The following DLGAP1 variants were observed in gnomAD, a reference collection of about 807,000 sequenced individuals.
DLGAP1 encodes the protein disks large-associated protein 1.
A neutral mutation model predicts 90.8 loss-of-function variants in DLGAP1; 11 were observed. The observed-to-expected ratio is 0.12, with a 90% confidence interval of 0.08 to 0.20. The LOEUF is 0.20. Among genes scored for constraint, DLGAP1 ranks in the 10% least tolerant of loss-of-function variants. The probability of loss-of-function intolerance (pLI) is 1.00; values close to 1 mark genes in which losing one functional copy is unlikely to be tolerated. For synonymous variants in DLGAP1, 558 were observed against 540.7 expected, an observed-to-expected ratio of 1.03 and a Z score of -0.44; for missense variants, 1,050 against 1,333.8, an observed-to-expected ratio of 0.79 and a Z score of 3.31.
intron 1 of DLGAP1, among the ~76,000 whole-genome samples, chr18:4,337,131 A>T (rs2081086529): frequency 7.6e-6 from 1 of 130,910 alleles, no homozygotes. Context: ...AGAAAAAAGA[A>T]AAAAAAAAAA....
At chr18:4,324,772 A>G (rs973674256) in intron 1 of DLGAP1, among the ~76,000 whole-genome samples, 1 of 41,672 alleles carries the variant, frequency 2.4e-5, no homozygotes, top group Non-Finnish European at 4.3e-5. Context: ...AAACCACATG[A>G]TTACCTTAAT....
chr18:3,569,431 C>G (rs2054637588), intron 8 of DLGAP1, among the ~76,000 whole-genome samples: 2 of 151,956 alleles, frequency 1.3e-5, no homozygotes, highest in Admixed American at 1.3e-4. Context: ...TGAACCTAAA[C>G]TCTTTCTCTG....
At chr18:4,131,873 A>G (rs1209598119) in intron 2 of DLGAP1, among the ~76,000 whole-genome samples, 1 of 152,232 alleles carries the variant, frequency 6.6e-6, no homozygotes, top group Non-Finnish European at 1.5e-5. Flanking sequence ...AAAATGTTGT[A>G]TGAATGCTTC....
chr18:3,809,080 A>G (rs752506252), intron 5 of DLGAP1, among the ~76,000 whole-genome samples: 3 of 152,202 alleles, frequency 2.0e-5, no homozygotes, highest in Non-Finnish European at 2.9e-5. Context: ...TAGACTAAGG[A>G]TAGCACCTGT....
chr18:4,131,859 T>A (rs1439531180), intron 2 of DLGAP1, among the ~76,000 whole-genome samples: 1 of 152,232 alleles, frequency 6.6e-6, no homozygotes, highest in African/African-American at 2.4e-5. Flanking sequence ...AAGATCTTAT[T>A]TTTAAAATGT....
chr18:3,861,416 G>A (rs1267635633), intron 4 of DLGAP1, among the ~76,000 whole-genome samples: 5 of 152,138 alleles, frequency 3.3e-5, no homozygotes, highest in Non-Finnish European at 7.3e-5. Flanking sequence ...AAACTTGTTA[G>A]TGACCCCTTA....
intron 4 of DLGAP1, among the ~76,000 whole-genome samples, chr18:3,858,998 G>A (rs2069855074): frequency 6.6e-6 from 1 of 152,192 alleles, no homozygotes; most frequent in East Asian, 1.9e-4. Context: ...TTTTAAGTGA[G>A]ATGTTAGAGC....
At chr18:4,119,608 A>G (rs77567038) in intron 2 of DLGAP1, among the ~76,000 whole-genome samples, 11,472 of 152,206 alleles carry the variant, frequency 0.075, 1,347 homozygotes, top group African/African-American at 0.25. Context: ...GAAGGCACAC[A>G]GGTTGTTCTG....
At chr18:4,171,062 C>T (rs1302740232) in intron 1 of DLGAP1, among the ~76,000 whole-genome samples, 2 of 149,622 alleles carry the variant, frequency 1.3e-5, no homozygotes, top group Non-Finnish European at 2.9e-5. Flanking sequence ...ATTTTTAAAT[C>T]CTCCAGTAAT....
At chr18:4,254,954 C>G (rs1231738326) in intron 1 of DLGAP1, among the ~76,000 whole-genome samples, 6 of 152,148 alleles carry the variant, frequency 3.9e-5, no homozygotes, top group African/African-American at 1.4e-4. Context: ...GGAACGTAAT[C>G]TAGGAAGACA....
At chr18:3,960,907 T>TGCAG (rs1374358694) in intron 3 of DLGAP1, among the ~76,000 whole-genome samples, 1 of 152,238 alleles carries the variant, frequency 6.6e-6, no homozygotes, top group Non-Finnish European at 1.5e-5. Flanking sequence ...TAGTGAATCC[T>TGCAG]GGTACATGGG....
rs1457465288 is a variant in DLGAP1 at position 3,580,140 on chromosome 18, CTAA to C, written c.1965+1732_1965+1734del. 19 of 1,150,224 alleles carry C rather than the reference CTAA, an allele frequency of 1.7e-5. No homozygotes were observed. In the Admixed American group the frequency reaches 2.0e-4, roughly 12 times the overall value. 71.3% of individuals were successfully genotyped at this position (1,150,224 alleles called of 1,614,324 possible). A position where few individuals can be genotyped will look rare whatever the true frequency, so the allele number is the denominator to read the frequency against. On this transcript the variant is annotated intron_variant, in intron 8 of 12. Transcript: ENST00000315677. ...ATTTAGAGAACAAAAATAATAGCTGCTAATAATGTCTACAAAGAAAATACTTTC... is the reference window on the plus strand; with the variant it reads ...ATTTAGAGAACAAAAATAATAGCTGCTAATGTCTACAAAGAAAATACTTTC...
rs2055563546 is a variant in DLGAP1 at position 3,582,228 on chromosome 18, A to G, written c.1612T>C (p.Tyr538His). The stretch of plus-strand genomic sequence containing the variant: ...GGGACTGGAGGTGGTGTCTTCTTAT[A>G]TGTTGTAATGCAAGATGACACTGGA... ...SSTVSSCITTYKKTPPPVPPR... is the reference protein window; with the variant it reads ...SSTVSSCITTHKKTPPPVPPR... The change falls in exon 8 of 13, where the codon TAT becomes CAT. Residue 538 changes from tyrosine to histidine, a missense_variant. Coordinates refer to ENST00000315677, the MANE Select transcript of DLGAP1 (RefSeq NM_004746.4). 1 of 1,613,544 alleles carries G rather than the reference A, an allele frequency of 6.2e-7. No individual in the cohort carries two copies. Among genetic ancestry groups the G allele is most frequent in the Non-Finnish European group, 8.5e-7 (1 of 1,179,722 alleles).
At chr18:3,681,032 A>T (rs943353031) in intron 7 of DLGAP1, among the ~76,000 whole-genome samples, 1 of 152,156 alleles carries the variant, frequency 6.6e-6, no homozygotes, top group Admixed American at 6.5e-5. Context: ...GATATGAAAA[A>T]GGGTGAGATA....
At chr18:4,015,351 T>C (rs1460414693) in intron 2 of DLGAP1, among the ~76,000 whole-genome samples, 20 of 152,110 alleles carry the variant, frequency 1.3e-4, no homozygotes, top group Non-Finnish European at 4.4e-5. Flanking sequence ...CCTAGTTTTG[T>C]CCAAGCAGAA....
intron 9 of DLGAP1, among the ~76,000 whole-genome samples, chr18:3,543,980 C>A (rs1270065699): frequency 8.4e-6 from 1 of 119,652 alleles, no homozygotes; most frequent in African/African-American, 5.4e-5. Context: ...CTTTATTCCT[C>A]TTTAGAAAAC....
chr18:4,038,177 T>G (rs1012433391), intron 2 of DLGAP1, among the ~76,000 whole-genome samples: 1 of 152,218 alleles, frequency 6.6e-6, no homozygotes, highest in African/African-American at 2.4e-5. Context: ...CAGTCCTATA[T>G]TAAGGCAAAA....
intron 3 of DLGAP1, among the ~76,000 whole-genome samples, chr18:3,913,378 C>A (rs75678092): frequency 0.011 from 1,615 of 152,222 alleles, 29 homozygotes; most frequent in African/African-American, 0.037. Flanking sequence ...ACGTGAACCA[C>A]CATGCTCAGC....
intron 2 of DLGAP1, among the ~76,000 whole-genome samples, chr18:4,012,776 C>T (rs575899607): frequency 4.0e-5 from 6 of 149,942 alleles, no homozygotes; most frequent in South Asian, 2.1e-4. Context: ...ACTGCAGTGG[C>T]GCAATCTTGG....
Sources: allele counts gnomAD v4.1 joint callset (sites outside exome capture counted in the v4.1 genomes callset), GRCh38; gene constraint gnomAD v4.1.1; transcripts MANE v1.5; gene names NCBI Gene and HGNC (gene_info 2026-07-23, HGNC 2026-07-21).